MORC1: variants seen among roughly 807,000 people sequenced by gnomAD.
MORC1 encodes the protein MORC family CW-type zinc finger protein 1.
Under a neutral mutation model 134.9 loss-of-function variants are expected in MORC1, and 59 were observed. The observed-to-expected ratio is 0.44, with a 90% CI of 0.35 to 0.54. MORC1 has a LOEUF of 0.54. MORC1 is among the 20% of genes least tolerant of loss of function. MORC1 has a pLI of 0.00. For synonymous variants in MORC1, 395 were observed against 391.7 expected (o/e 1.01, Z -0.10); for missense variants, 947 against 1,134.5 (o/e 0.83, Z 2.37).
At chr3:109,072,317 T>G (rs1950336161) in intron 8 of MORC1, among the ~76,000 whole-genome samples, 1 of 152,178 alleles carries the variant, frequency 6.6e-6, no homozygotes, top group African/African-American at 2.4e-5. Flanking sequence ...CACTCTTGCT[T>G]GGCGCACCCC....
Position 109,027,834 on chromosome 3 carries a change from A to G in MORC1, c.1621T>C (p.Ser541Pro). The G allele has an allele frequency of 1.2e-6, 2 of 1,613,800 alleles. No homozygotes were observed. The highest frequency in any genetic ancestry group is 2.7e-5 in the African/African-American group (2 of 74,984). The change falls in exon 17 of 28, where the codon TCA (serine) becomes CCA (proline). Residue 541 changes from serine to proline, a missense_variant. By Grantham distance (74) the Ser-to-Pro change is moderately conservative (BLOSUM62 -1). Around this residue, in one of 3 missense-constraint regions of MORC1, gnomAD observed 722 missense variants for 817.0 expected, o/e 0.88. Transcript: ENST00000232603. ...TTCTCTTTCTCATTTTTTGATGGTG[A>G]TATTGTGCTCATGGTGCCCAGTGGG... Reference protein sequence around the residue: ...SIPLGTMSTISPSKNEKEKQL... With the variant: ...SIPLGTMSTIPPSKNEKEKQL...
At chr3:109,075,709 G>A (rs578165328) in intron 8 of MORC1, among the ~76,000 whole-genome samples, 1 of 152,126 alleles carries the variant, frequency 6.6e-6, no homozygotes, top group African/African-American at 2.4e-5. Flanking sequence ...TAGCCTTGTA[G>A]TATAGTTTGA....
chr3:108,996,286 G>GCGCGCGCGCGCGCACACACACACA, intron 21 of MORC1, among the ~76,000 whole-genome samples: 7 of 146,382 alleles, frequency 4.8e-5, no homozygotes, highest in Non-Finnish European at 1.1e-4. Flanking sequence ...GCGCGCGCGC[G>GCGCGCGCGCGCGCACACACACACA]CACACACACA....
At chr3:108,961,638 A>G (rs1947083608) in intron 27 of MORC1, among the ~76,000 whole-genome samples, 1 of 152,192 alleles carries the variant, frequency 6.6e-6, no homozygotes. Flanking sequence ...AGAGTAATAC[A>G]TTTGGGCAGG....
chr3:108,963,437 G>A lies in MORC1; in HGVS notation c.2776C>T (p.Leu926=). ...ACCAGTTGGAGTTTCTGCAACAATA[G>A]TGCCAGTTTTATACGAAGATTCTTC... ...KLKNLRIKLA[L]LLQKLQLGGP... Residue 926 remains leucine (L), a synonymous_variant, in exon 27 of 28, where the codon CTA becomes TTA. Transcript: ENST00000232603. The A allele has an allele frequency of 6.2e-7, 1 of 1,611,434 alleles. No individual in the cohort carries two copies. The highest frequency in any genetic ancestry group is 8.5e-7 in the Non-Finnish European group (1 of 1,179,464).
intron 9 of MORC1, among the ~76,000 whole-genome samples, chr3:109,066,493 G>C (rs1469406293): frequency 6.6e-6 from 1 of 151,984 alleles, no homozygotes; most frequent in Non-Finnish European, 1.5e-5. Flanking sequence ...CACCTTCTTG[G>C]CCAGGCTGGT....
chr3:109,068,601 T>A (rs927363750), intron 9 of MORC1, among the ~76,000 whole-genome samples: 1 of 152,224 alleles, frequency 6.6e-6, no homozygotes, highest in African/African-American at 2.4e-5. Context: ...AGTGTCTTTA[T>A]CCACCTGTTG....
intron 8 of MORC1, among the ~76,000 whole-genome samples, chr3:109,077,490 A>G (rs1370416941): frequency 1.3e-5 from 2 of 152,090 alleles, no homozygotes; most frequent in Admixed American, 1.3e-4. Flanking sequence ...ATACTAATTA[A>G]CTCTACAGTT....
intron 17 of MORC1, among the ~76,000 whole-genome samples, chr3:109,013,740 C>A (rs1438247473): frequency 6.6e-6 from 1 of 152,144 alleles, no homozygotes; most frequent in Non-Finnish European, 1.5e-5. Context: ...ATGTGTCCCC[C>A]CAAAAGCATG....
chr3:109,040,475 A>AGAAAGAAG, intron 14 of MORC1, among the ~76,000 whole-genome samples: 1 of 149,638 alleles, frequency 6.7e-6, no homozygotes, highest in Non-Finnish European at 1.5e-5. Flanking sequence ...AAAGAAAGAA[A>AGAAAGAAG]GAAAGAAAGA....
At chr3:108,986,750 C>A in intron 22 of MORC1, 130 bp downstream of exon 22, 1 of 653,694 alleles carries the variant, frequency 1.5e-6, no homozygotes, top group Non-Finnish European at 2.5e-6. Context: ...TCTAGAACAA[C>A]AAACTTAATT....
At chr3:109,114,063 G>C (rs958902382) in intron 2 of MORC1, among the ~76,000 whole-genome samples, 7 of 152,112 alleles carry the variant, frequency 4.6e-5, no homozygotes, top group African/African-American at 1.7e-4. Context: ...TTCAATAAAT[G>C]CCCAAATACA....
intron 16 of MORC1, among the ~76,000 whole-genome samples, chr3:109,031,045 G>T (rs1022063592): frequency 6.6e-6 from 1 of 152,134 alleles, no homozygotes; most frequent in African/African-American, 2.4e-5. Flanking sequence ...ATTTTACAAT[G>T]CTCTGAGGTG....
At chr3:109,049,037 A>G (rs190499992) in intron 14 of MORC1, 2 of 621,804 alleles carry the variant, frequency 3.2e-6, no homozygotes, top group Admixed American at 6.3e-5. Context: ...AACTTCAAAA[A>G]CTGAATTAAA....
intron 25 of MORC1, among the ~76,000 whole-genome samples, chr3:108,970,847 C>T (rs941430525): frequency 1.3e-5 from 2 of 152,334 alleles, no homozygotes; most frequent in East Asian, 1.9e-4. Context: ...CCCCAAGCAG[C>T]TGTTCAAAGT....
intron 14 of MORC1, among the ~76,000 whole-genome samples, chr3:109,038,209 T>G (rs1949424802): frequency 6.6e-6 from 1 of 152,260 alleles, no homozygotes; most frequent in African/African-American, 2.4e-5. Flanking sequence ...ATGAGCATTT[T>G]TTCATTTGTC....
At chr3:108,975,883 A>C (rs1189859231) in intron 24 of MORC1, among the ~76,000 whole-genome samples, 3 of 152,146 alleles carry the variant, frequency 2.0e-5, no homozygotes, top group African/African-American at 4.8e-5. Flanking sequence ...TGTACCACTA[A>C]CTTAACACCA....
At chr3:109,027,121 A>G (rs139348120) in intron 17 of MORC1, among the ~76,000 whole-genome samples, 91 of 152,370 alleles carry the variant, frequency 6.0e-4, no homozygotes, top group African/African-American at 2.1e-3. Context: ...CTATTTGAGG[A>G]AGCCAACAGG....
intron 22 of MORC1, among the ~76,000 whole-genome samples, chr3:108,985,551 C>T (rs1432381740): frequency 6.6e-6 from 1 of 152,100 alleles, no homozygotes; most frequent in Non-Finnish European, 1.5e-5. Flanking sequence ...TCTGCCTGAC[C>T]CTTTTAAGGA....
Sources: allele counts gnomAD v4.1 joint callset (sites outside exome capture counted in the v4.1 genomes callset), GRCh38; gene constraint gnomAD v4.1.1; regional missense constraint gnomAD v4.1.1; transcripts MANE v1.5; gene names NCBI Gene and HGNC (gene_info 2026-07-23, HGNC 2026-07-21).